MTERF4: variants seen among roughly 807,000 people sequenced by gnomAD.
MTERF4 encodes the protein transcription termination factor 4, mitochondrial.
In MTERF4, 17 loss-of-function variants were observed where a neutral mutation model predicts 22.5. The observed-to-expected ratio is 0.75, with a 90% CI of 0.52 to 1.13. The LOEUF (loss-of-function observed/expected upper bound fraction) is 1.13, where lower values mean the gene tolerates loss of function less well. Ranked by LOEUF, MTERF4 falls within the 50% of genes most tolerant of loss-of-function variation. The pLI, the probability that MTERF4 is intolerant of heterozygous loss-of-function variation, is 0.00. For synonymous variants in MTERF4, 165 were observed against 175.3 expected (o/e 0.94, Z 0.47); for missense variants, 420 against 466.8 (o/e 0.90, Z 0.92).
downstream of MTERF4, chr2:241,068,000 T>G: frequency 1.4e-6 from 2 of 1,434,854 alleles, no homozygotes; most frequent in Non-Finnish European, 1.9e-6. Context: ...GGGTGGGGGC[T>G]CGGGGACACG....
In MTERF4 at chr2:241,075,998, G is replaced by A. The variant is rs7582716; in HGVS notation, n.480-316C>T. Among the ~76,000 whole-genome samples the A allele has an allele frequency of 0.2, 31,154 of 152,042 alleles. 3,489 individuals carry two copies. The highest frequency in any genetic ancestry group is 0.3 in the East Asian group (1,559 of 5,184). ...CACATATAAAAGTAGAATTCTGGCG[G>A]CGTCAATTTGATACATCTGTGCCAA... is the stretch of plus-strand genomic sequence containing the variant. On this transcript the variant is annotated intron_variant and non_coding_transcript_variant, in intron 4 of 4. Coordinates refer to the MTERF4 transcript ENST00000464344. This position sits in a 1 kb window ranked among gnomAD's most constrained non-coding sequence, Gnocchi z 4.8.
At chr2:241,086,682 A>T (rs2063595423), downstream of MTERF4, among the ~76,000 whole-genome samples, 1 of 152,238 alleles carries the variant, frequency 6.6e-6, no homozygotes. Context: ...GTCTTACCAC[A>T]GGTTTTCGAT....
the MTERF4 span, chr2:241,065,411 G>A: frequency 4.5e-4 from 722 of 1,613,092 alleles, 6 homozygotes; most frequent in African/African-American, 7.8e-3. Flanking sequence ...ATGGCTACGC[G>A]GTCACCTACG....
In MTERF4 at chr2:241,073,124, G is replaced by T. The variant is rs2062819261; in HGVS notation, n.3038C>A. 2 of 630,798 alleles carry T rather than the reference G, an allele frequency of 3.2e-6. No individual in the cohort carries two copies. The highest frequency in any genetic ancestry group is 5.6e-6 in the Non-Finnish European group (2 of 360,178). The allele number at this position is 630,798 out of a possible 1,614,324, so 39.1% of individuals were successfully genotyped here. On this transcript the variant is annotated non_coding_transcript_exon_variant, in exon 5 of 5. Coordinates refer to the MTERF4 transcript ENST00000464344. This position sits in a 1 kb window ranked among gnomAD's most constrained non-coding sequence, Gnocchi z 6.6. ...GGGGAGGCAGCTCTGGGGCCGACAGGTGCTGGGGCCACGCAGGGAGCCTGG... is the reference window on the plus strand; with the variant it reads ...GGGGAGGCAGCTCTGGGGCCGACAGTTGCTGGGGCCACGCAGGGAGCCTGG...
chr2:241,055,285 G>A, the MTERF4 span, among the ~76,000 whole-genome samples: 12 of 152,146 alleles, frequency 7.9e-5, no homozygotes, highest in African/African-American at 2.2e-4. Context: ...CCCACAGAAC[G>A]TCAGACAGGA....
chr2:241,066,355 C>T, the MTERF4 span, among the ~76,000 whole-genome samples: 1 of 152,294 alleles, frequency 6.6e-6, no homozygotes, highest in East Asian at 1.9e-4. Context: ...GAGAAAGGAG[C>T]CCTAGAACAT....
At position 241,096,359 on chromosome 2, in the gene MTERF4, T is replaced by A; in HGVS notation, c.785A>T (p.Lys262Met). 1 of 1,614,182 alleles carries A rather than the reference T, an allele frequency of 6.2e-7. No homozygotes were observed. Among genetic ancestry groups the A allele is most frequent in the African/African-American group, 1.3e-5 (1 of 75,030 alleles). ...GCGCTCCAGGTAAATGTGTCTCTGC[T>A]TAATCTTGGTTAGTGAATACTGCAA... is the stretch of plus-strand genomic sequence containing the variant. Reference protein sequence around the residue: ...EYLQYSLTKIKQRHIYLERLG... With the variant: ...EYLQYSLTKIMQRHIYLERLG... Residue 262 changes from lysine (K) to methionine (M), a missense_variant, in exon 4 of 4, where the codon AAG becomes ATG. Lys to Met is a moderately conservative substitution (Grantham distance 95). Transcript: ENST00000391980. The surrounding 1 kb of genome is among the most constrained non-coding windows in gnomAD (Gnocchi z 5.1).
the MTERF4 span, chr2:241,063,350 GTGGCCTGGAGGAAGGCA>G: frequency 1.8e-6 from 1 of 559,334 alleles, no homozygotes; most frequent in Middle Eastern, 2.9e-4. Flanking sequence ...CCATTGCGGA[GTGGCCTGGAGGAAGGCA>G]TGGCCTGGAG....
At chr2:241,063,551 A>T in the MTERF4 span, 1 of 1,446,452 alleles carries the variant, frequency 6.9e-7, no homozygotes, top group Non-Finnish European at 9.6e-7. Context: ...CTCAGACTTG[A>T]GCCAGCAACA....
the MTERF4 span, chr2:241,048,598 CTG>C: frequency 1.3e-6 from 2 of 1,521,312 alleles, no homozygotes; most frequent in African/African-American, 1.4e-5. Flanking sequence ...AGGGCAGGGT[CTG>C]GAGCGAGGGT....
downstream of MTERF4, chr2:241,087,539 G>A: frequency 1.3e-6 from 2 of 1,536,186 alleles, no homozygotes; most frequent in South Asian, 1.2e-5. Flanking sequence ...TGGGGCAAGG[G>A]CGGGGTGCTA....
At chr2:241,071,980 C>T, downstream of MTERF4, 1 of 1,010,718 alleles carries the variant, frequency 9.9e-7, no homozygotes, top group Admixed American at 2.0e-5. Context: ...ACCCCCACCG[C>T]CAGCGCAGTC....
At chr2:241,081,720 C>T (rs1480294728) in intron 4 of MTERF4, 1 of 1,609,688 alleles carries the variant, frequency 6.2e-7, no homozygotes, top group African/African-American at 1.3e-5. Context: ...AGAACGGAGG[C>T]ACTTGTGTGC....
At chr2:241,053,444 C>A in the MTERF4 span, 2 of 1,006,192 alleles carry the variant, frequency 2.0e-6, no homozygotes, top group Non-Finnish European at 2.9e-6. Context: ...TGACCTGGTC[C>A]TGCCCCTGCT....
At chr2:241,063,997 C>T in the MTERF4 span, 1 of 1,541,278 alleles carries the variant, frequency 6.5e-7, no homozygotes, top group African/African-American at 1.4e-5. Flanking sequence ...GGCCCACTCT[C>T]TGGGTGTTCT....
intron 4 of MTERF4, among the ~76,000 whole-genome samples, chr2:241,077,679 G>A (rs2063094495): frequency 6.6e-6 from 1 of 152,166 alleles, no homozygotes. Context: ...AATTCAGACA[G>A]GGGCAAAGGA....
downstream of MTERF4, chr2:241,094,094 G>A (rs2064228604): frequency 2.9e-6 from 1 of 348,070 alleles, no homozygotes. The surrounding 1 kb of genome is among the most constrained non-coding windows in gnomAD (Gnocchi z 4.3). Flanking sequence ...GAAAACACTG[G>A]CACAGTGAAA....
chr2:241,056,704 C>A, the MTERF4 span, among the ~76,000 whole-genome samples: 1 of 151,546 alleles, frequency 6.6e-6, no homozygotes, highest in East Asian at 1.9e-4. Context: ...CCTCAGCCTC[C>A]CGAGTAGCTG....
At chr2:241,071,687 A>G (rs750414607), downstream of MTERF4, 134 of 1,536,672 alleles carry the variant, frequency 8.7e-5, 1 homozygote, top group African/African-American at 1.4e-3. Flanking sequence ...CTCAATGACC[A>G]CAGCGCCCCC....
Sources: allele counts gnomAD v4.1 joint callset (sites outside exome capture counted in the v4.1 genomes callset), GRCh38; gene constraint gnomAD v4.1.1; non-coding constraint Gnocchi (gnomAD v3.1); transcripts MANE v1.5; gene names NCBI Gene and HGNC (gene_info 2026-07-23, HGNC 2026-07-21).